Variants in MTHFD1L observed in about 807,000 individuals in gnomAD.
The protein encoded by MTHFD1L is monofunctional C1-tetrahydrofolate synthase, mitochondrial.
MTHFD1L carries 81 observed loss-of-function variants against 119.5 expected under a neutral mutation model. That is an observed-to-expected ratio of 0.68 (90% CI 0.57 to 0.82). MTHFD1L has a LOEUF of 0.82. Ranked by LOEUF, MTHFD1L falls within the 40% of genes least tolerant of loss-of-function variation. MTHFD1L has a pLI of 0.00. For synonymous variants in MTHFD1L, 430 were observed against 475.2 expected, an observed-to-expected ratio of 0.90 and a Z score of 1.24; for missense variants, 1,125 against 1,253.4, an observed-to-expected ratio of 0.90 and a Z score of 1.55.
At chr6:150,903,112 A>G (rs1386516943) in intron 7 of MTHFD1L, among the ~76,000 whole-genome samples, 2 of 150,914 alleles carry the variant, frequency 1.3e-5, no homozygotes, top group Non-Finnish European at 2.9e-5. Flanking sequence ...CTCCCTAAAT[A>G]TACTATTACC....
intron 7 of MTHFD1L, among the ~76,000 whole-genome samples, chr6:150,897,993 C>T (rs369397105): frequency 1.8e-4 from 27 of 152,076 alleles, no homozygotes; most frequent in African/African-American, 6.3e-4. Flanking sequence ...TACAAGCATG[C>T]GCCACCACGC....
intron 11 of MTHFD1L, among the ~76,000 whole-genome samples, chr6:150,932,186 G>A (rs1466384337): frequency 1.7e-3 from 113 of 66,638 alleles, no homozygotes; most frequent in African/African-American, 3.3e-3. Context: ...AAAAAAAAAA[G>A]CATCATTCCA....
chr6:150,939,120 G>A (rs188141085), intron 13 of MTHFD1L: 50 of 222,744 alleles, frequency 2.2e-4, no homozygotes, highest in Non-Finnish European at 7.4e-5. Context: ...CTGGCCTTGC[G>A]GGTCTGGATG....
At chr6:151,085,294 T>G (rs923598474) in intron 26 of MTHFD1L, among the ~76,000 whole-genome samples, 1 of 152,114 alleles carries the variant, frequency 6.6e-6, no homozygotes, top group Non-Finnish European at 1.5e-5. Flanking sequence ...GAGAAATAAT[T>G]GTACTTGTTC....
intron 16 of MTHFD1L, among the ~76,000 whole-genome samples, 158 bp downstream of exon 16, chr6:150,949,291 A>G (rs1389047022): frequency 1.3e-5 from 2 of 151,882 alleles, no homozygotes; most frequent in Admixed American, 6.6e-5. Context: ...CTATTATCGT[A>G]CCACCCTCCC....
chr6:151,024,412 C>T (rs1295386811), intron 24 of MTHFD1L, among the ~76,000 whole-genome samples: 3 of 152,084 alleles, frequency 2.0e-5, no homozygotes, highest in African/African-American at 7.2e-5. Flanking sequence ...CATAGTGGCA[C>T]ATGCACTGTA....
intron 7 of MTHFD1L, among the ~76,000 whole-genome samples, chr6:150,895,613 GTT>G (rs10630027): frequency 1.8e-4 from 24 of 134,418 alleles, no homozygotes; most frequent in Non-Finnish European, 3.3e-4. Flanking sequence ...GTTTTTTGTG[GTT>G]TTTTTTTTTT....
At chr6:150,970,495 C>T (rs1189710180) in intron 19 of MTHFD1L, among the ~76,000 whole-genome samples, 1 of 152,160 alleles carries the variant, frequency 6.6e-6, no homozygotes, top group Non-Finnish European at 1.5e-5. Flanking sequence ...GCCACATTTC[C>T]ATTTATGCAT....
chr6:150,956,915 TAC>T (rs34667538), intron 17 of MTHFD1L, among the ~76,000 whole-genome samples: 43,002 of 151,628 alleles, frequency 0.28, 6,414 homozygotes, highest in East Asian at 0.49. Flanking sequence ...TCCTGTAACT[TAC>T]ACACACACAC....
intron 25 of MTHFD1L, among the ~76,000 whole-genome samples, chr6:151,035,202 C>T (rs1785983540): frequency 6.6e-6 from 1 of 152,204 alleles, no homozygotes; most frequent in Admixed American, 6.5e-5. Flanking sequence ...TGACAGCATG[C>T]ATCACCATCT....
intron 27 of MTHFD1L, chr6:151,099,601 G>T: frequency 1.9e-6 from 3 of 1,610,164 alleles, no homozygotes; most frequent in South Asian, 2.2e-5. Flanking sequence ...GCACCAGTCA[G>T]ACCATTATGT....
chr6:150,895,898 G>C (rs986379539), intron 7 of MTHFD1L, among the ~76,000 whole-genome samples: 3 of 152,110 alleles, frequency 2.0e-5, no homozygotes, highest in African/African-American at 7.2e-5. Flanking sequence ...ATGTGCTATG[G>C]TGACAGTAAT....
intron 15 of MTHFD1L, among the ~76,000 whole-genome samples, chr6:150,948,763 C>A (rs1054189747): frequency 6.7e-6 from 1 of 149,508 alleles, no homozygotes; most frequent in East Asian, 2.0e-4. Context: ...GCCTCAGTTT[C>A]CCAAGTAGCT....
intron 8 of MTHFD1L, among the ~76,000 whole-genome samples, 189 bp downstream of exon 8, chr6:150,905,950 G>A (rs711879): frequency 0.31 from 46,546 of 152,114 alleles, 8,514 homozygotes; most frequent in East Asian, 0.61. Flanking sequence ...CCAAGATGGC[G>A]GTTGAGGTGT....
intron 1 of MTHFD1L, 121 bp from the exon 2 acceptor site, chr6:150,875,969 C>A: frequency 1.3e-6 from 1 of 759,604 alleles, no homozygotes; most frequent in Non-Finnish European, 2.3e-6. Context: ...ACTTGGAGTG[C>A]GTCCTTCTGT....
intron 21 of MTHFD1L, among the ~76,000 whole-genome samples, 165 bp from the exon 22 acceptor site, chr6:151,013,614 C>T (rs554318687): frequency 8.5e-5 from 13 of 152,082 alleles, no homozygotes; most frequent in Non-Finnish European, 1.5e-4. Context: ...AAAAGCTTCC[C>T]GCAGGAGTTT....
chr6:151,088,884 ATAGT>A (rs1554301253), intron 26 of MTHFD1L, among the ~76,000 whole-genome samples: 1 of 152,188 alleles, frequency 6.6e-6, no homozygotes, highest in Non-Finnish European at 1.5e-5. Flanking sequence ...TCATCAGCAG[ATAGT>A]TAAAGGCGGA....
chr6:150,971,919 A>G (rs1798046042), intron 19 of MTHFD1L, 28 bp from the exon 20 acceptor site: 1 of 1,598,088 alleles, frequency 6.3e-7, no homozygotes, highest in Non-Finnish European at 8.5e-7. Flanking sequence ...GTCTTTTGGG[A>G]TTTTGATTTG....
At chr6:150,998,955 C>T (rs1780207400) in intron 20 of MTHFD1L, among the ~76,000 whole-genome samples, 1 of 146,746 alleles carries the variant, frequency 6.8e-6, no homozygotes, top group South Asian at 2.1e-4. Context: ...TGTCACTGCA[C>T]TCCAGCCTGG....
Sources: allele counts gnomAD v4.1 joint callset (sites outside exome capture counted in the v4.1 genomes callset), GRCh38; gene constraint gnomAD v4.1.1; transcripts MANE v1.5; gene names NCBI Gene and HGNC (gene_info 2026-07-23, HGNC 2026-07-21).